DPP6: variants seen among roughly 807,000 people sequenced by gnomAD.
The protein encoded by DPP6 is A-type potassium channel modulatory protein DPP6.
Under a neutral mutation model 122.6 loss-of-function variants are expected in DPP6, and 69 were observed. The ratio of observed to expected loss-of-function variants is 0.56; its 90% CI spans 0.46 to 0.69. The LOEUF is 0.69. Ranked by LOEUF, DPP6 falls within the 30% of genes least tolerant of loss-of-function variation. The pLI, the probability that DPP6 is intolerant of heterozygous loss-of-function variation, is 0.00. For synonymous variants in DPP6, 418 were observed against 433.1 expected, an observed-to-expected ratio of 0.97 and a Z score of 0.43; for missense variants, 928 against 1,116.9, an observed-to-expected ratio of 0.83 and a Z score of 2.41.
At chr7:154,802,110 G>A (rs1326755107) in intron 13 of DPP6, among the ~76,000 whole-genome samples, 1 of 152,032 alleles carries the variant, frequency 6.6e-6, no homozygotes, top group Non-Finnish European at 1.5e-5. Flanking sequence ...TTGACTTTGG[G>A]GGACTCTGCC....
chr7:154,366,013 T>A (rs952730883), intron 1 of DPP6, among the ~76,000 whole-genome samples: 3 of 151,274 alleles, frequency 2.0e-5, no homozygotes, highest in African/African-American at 7.3e-5. Context: ...TGTCTCTATC[T>A]TCCGGGGTAA....
chr7:154,164,562 T>C (rs1258546538), intron 1 of DPP6, among the ~76,000 whole-genome samples: 1 of 152,150 alleles, frequency 6.6e-6, no homozygotes, highest in Non-Finnish European at 1.5e-5. Context: ...TCACCCCCAG[T>C]CTAATTTTAG....
Position 154,727,397 on chromosome 7 carries a change from A to G in DPP6, c.763-370A>G, listed in dbSNP as rs375127376. 7.2e-5 allele frequency among the ~76,000 whole-genome samples: 11 copies of G among 152,320 alleles called. No individual in the cohort carries two copies. In the South Asian group the frequency reaches 2.3e-3, roughly 32 times the overall value. On this transcript the variant is annotated intron_variant, in intron 7 of 25. Transcript: ENST00000377770. The stretch of plus-strand genomic sequence containing the variant: ...AGCAAGGGAGAAATCTAGCCCCATG[A>G]TCCAGTCACCTCCTACCAGGCTCAG...
intron 1 of DPP6, among the ~76,000 whole-genome samples, chr7:154,008,515 T>C (rs1343170797): frequency 1.3e-5 from 2 of 148,938 alleles, no homozygotes; most frequent in Admixed American, 6.6e-5. Flanking sequence ...CATTACCACA[T>C]AGAAACACAT....
chr7:154,034,914 A>C (rs1409547550), intron 1 of DPP6, among the ~76,000 whole-genome samples: 1 of 151,018 alleles, frequency 6.6e-6, no homozygotes, highest in Admixed American at 6.6e-5. Context: ...GGTTGGATTC[A>C]AAATACCCCA....
intron 4 of DPP6, among the ~76,000 whole-genome samples, chr7:154,549,343 T>G (rs888221262): frequency 6.6e-6 from 1 of 152,180 alleles, no homozygotes; most frequent in African/African-American, 2.4e-5. Flanking sequence ...TTCCAATCAC[T>G]GACAACAGAT....
chr7:154,757,095 T>C (rs1217296549), intron 8 of DPP6, among the ~76,000 whole-genome samples: 2 of 118,760 alleles, frequency 1.7e-5, no homozygotes, highest in Admixed American at 8.2e-5. Context: ...TGGCCAGCCC[T>C]TTCTCCATCC....
intron 2 of DPP6, among the ~76,000 whole-genome samples, chr7:154,463,787 T>C (rs1234826428): frequency 1.3e-5 from 2 of 152,104 alleles, no homozygotes; most frequent in Non-Finnish European, 2.9e-5. Context: ...TCATGACTCT[T>C]CCTGGTGCTC....
chr7:153,960,104 A>G (rs1002544238), intron 1 of DPP6, among the ~76,000 whole-genome samples: 11 of 152,108 alleles, frequency 7.2e-5, no homozygotes, highest in African/African-American at 2.7e-4. Context: ...AACTCTAATC[A>G]CTTAGATATC....
chr7:154,665,832 T>C (rs529764315), intron 6 of DPP6, among the ~76,000 whole-genome samples: 5 of 152,306 alleles, frequency 3.3e-5, no homozygotes, highest in African/African-American at 1.2e-4. Flanking sequence ...TTTATTTTAG[T>C]GTTCCCCTTT....
At chr7:154,242,568 G>A (rs1165958950) in intron 1 of DPP6, among the ~76,000 whole-genome samples, 1 of 152,188 alleles carries the variant, frequency 6.6e-6, no homozygotes, top group African/African-American at 2.4e-5. Flanking sequence ...TAAACAACAG[G>A]CAGCACAGAA....
chr7:153,942,409 C>G (rs1303745606), intron 1 of DPP6, among the ~76,000 whole-genome samples: 5 of 152,204 alleles, frequency 3.3e-5, no homozygotes, highest in Non-Finnish European at 7.3e-5. Flanking sequence ...AGTGCCAGTT[C>G]CCTGTGAGAT....
intron 7 of DPP6, among the ~76,000 whole-genome samples, chr7:154,681,974 A>G (rs1266847558): frequency 6.6e-6 from 1 of 152,262 alleles, no homozygotes; most frequent in African/African-American, 2.4e-5. Flanking sequence ...CCCGTTGCTC[A>G]GCATTGTGCA....
intron 1 of DPP6, among the ~76,000 whole-genome samples, chr7:154,278,555 C>A (rs560383188): frequency 2.0e-5 from 3 of 152,276 alleles, no homozygotes; most frequent in African/African-American, 7.2e-5. Flanking sequence ...AAAATACATG[C>A]AAATAAAAAT....
chr7:154,242,028 A>G (rs1016617723), intron 1 of DPP6, among the ~76,000 whole-genome samples: 12 of 152,220 alleles, frequency 7.9e-5, no homozygotes, highest in Non-Finnish European at 1.8e-4. Flanking sequence ...GGAGCTGTTC[A>G]TAGGTTCAGA....
chr7:154,304,958 G>A (rs910555454), intron 1 of DPP6, among the ~76,000 whole-genome samples: 33 of 152,044 alleles, frequency 2.2e-4, no homozygotes, highest in African/African-American at 8.0e-4. Context: ...TGGATGCGGT[G>A]ACCGAGGCTG....
At chr7:154,487,357 C>T (rs962370590) in intron 3 of DPP6, among the ~76,000 whole-genome samples, 3 of 152,160 alleles carry the variant, frequency 2.0e-5, no homozygotes, top group Middle Eastern at 3.2e-3. Flanking sequence ...CCGCCGTACT[C>T]AGCCCCTCCA....
intron 1 of DPP6, among the ~76,000 whole-genome samples, chr7:154,240,207 CT>C (rs1405606887): frequency 6.6e-6 from 1 of 151,976 alleles, no homozygotes; most frequent in African/African-American, 2.4e-5. Context: ...ATTTTCATCT[CT>C]GTATTTAGCT....
the DPP6 span, among the ~76,000 whole-genome samples, chr7:153,835,417 T>C: frequency 6.6e-6 from 1 of 151,588 alleles, no homozygotes; most frequent in Non-Finnish European, 1.5e-5. Context: ...AAAGGATCTG[T>C]GTATTTTTCG....
Sources: gnomAD v4.1 joint callset for allele counts (sites outside exome capture counted in the v4.1 genomes callset) on GRCh38, gnomAD v4.1.1 for gene constraint, MANE v1.5 for transcripts, NCBI Gene and HGNC (gene_info 2026-07-23, HGNC 2026-07-21) for gene names.